Variants in SCAPER observed in about 807,000 individuals in gnomAD.
The protein encoded by SCAPER is S-phase cyclin A associated protein in the ER.
In SCAPER, 98 loss-of-function variants were observed where a neutral mutation model predicts 182.2. That is an observed-to-expected ratio of 0.54 (90% CI 0.46 to 0.64). SCAPER has a LOEUF of 0.64. Among genes scored for constraint, SCAPER ranks in the 30% least tolerant of loss-of-function variants. The pLI is 0.00. For synonymous variants in SCAPER, 605 were observed against 564.6 expected (o/e 1.07, Z -1.01); for missense variants, 1,432 against 1,690.0 (o/e 0.85, Z 2.68).
At chr15:76,785,364 A>G (rs904468607) in intron 8 of SCAPER, among the ~76,000 whole-genome samples, 1 of 152,232 alleles carries the variant, frequency 6.6e-6, no homozygotes, top group African/African-American at 2.4e-5. Context: ...CAATCATTAA[A>G]AAGTCAGGAA....
intron 29 of SCAPER, among the ~76,000 whole-genome samples, chr15:76,373,911 CTT>C (rs2042359934): frequency 6.9e-6 from 1 of 145,160 alleles, no homozygotes; most frequent in African/African-American, 2.6e-5. Flanking sequence ...TTTTTTTTGT[CTT>C]TTTTCTCCTT....
At chr15:76,744,410 G>C (rs936179273) in intron 15 of SCAPER, among the ~76,000 whole-genome samples, 6 of 151,908 alleles carry the variant, frequency 3.9e-5, no homozygotes, top group Non-Finnish European at 7.4e-5. Flanking sequence ...CTAATATCCA[G>C]GATATATAAG....
At chr15:76,888,400 C>A (rs1226605014) in intron 1 of SCAPER, among the ~76,000 whole-genome samples, 1 of 152,062 alleles carries the variant, frequency 6.6e-6, no homozygotes, top group Non-Finnish European at 1.5e-5. Flanking sequence ...ATGTTCTAAC[C>A]CATTGCAAGG....
At chr15:76,694,802 T>A (rs1317761530) in intron 20 of SCAPER, among the ~76,000 whole-genome samples, 1 of 152,142 alleles carries the variant, frequency 6.6e-6, no homozygotes, top group African/African-American at 2.4e-5. Context: ...ACAACAAATT[T>A]AACTATGTAC....
intron 15 of SCAPER, among the ~76,000 whole-genome samples, chr15:76,733,686 A>T (rs529591083): frequency 2.0e-5 from 3 of 152,194 alleles, no homozygotes; most frequent in East Asian, 3.9e-4. Context: ...CCCAGGAGCC[A>T]GAGGTTGCAG....
At chr15:76,873,499 A>G (rs1438344630) in intron 2 of SCAPER, among the ~76,000 whole-genome samples, 3 of 152,232 alleles carry the variant, frequency 2.0e-5, no homozygotes, top group African/African-American at 7.2e-5. Flanking sequence ...TAAAAAGTTT[A>G]TCAACCAGGA....
intron 23 of SCAPER, among the ~76,000 whole-genome samples, chr15:76,532,933 T>A (rs369508677): frequency 3.1e-4 from 47 of 152,356 alleles, no homozygotes; most frequent in African/African-American, 1.1e-3. Flanking sequence ...TTAACACTTA[T>A]TTAGCCCTAC....
At chr15:76,682,838 A>G (rs1021837355) in intron 20 of SCAPER, among the ~76,000 whole-genome samples, 3 of 152,152 alleles carry the variant, frequency 2.0e-5, no homozygotes, top group African/African-American at 7.2e-5. Context: ...GAAGTCAGCC[A>G]ACTGAGCCCA....
intron 29 of SCAPER, among the ~76,000 whole-genome samples, chr15:76,372,123 A>C (rs1747554374): frequency 6.6e-6 from 1 of 152,144 alleles, no homozygotes; most frequent in South Asian, 2.1e-4. Context: ...CTCAAATCAG[A>C]AGTGGATGTC....
chr15:76,668,110 G>A (rs2056759178), intron 20 of SCAPER, among the ~76,000 whole-genome samples: 1 of 152,092 alleles, frequency 6.6e-6, no homozygotes, highest in Non-Finnish European at 1.5e-5. Context: ...CTCTATTTGA[G>A]TAAACGGTAC....
At chr15:76,637,740 ATATGTGTGTGTGTGTG>A (rs1376644208) in intron 21 of SCAPER, among the ~76,000 whole-genome samples, 27 of 31,932 alleles carry the variant, frequency 8.5e-4, no homozygotes, top group East Asian at 4.8e-3. Flanking sequence ...ATATATATAT[ATATGTGTGTGTGTGTG>A]TGTGTGTGTG....
intron 25 of SCAPER, among the ~76,000 whole-genome samples, chr15:76,459,918 T>C (rs2049026223): frequency 1.3e-5 from 2 of 152,180 alleles, no homozygotes; most frequent in Admixed American, 6.5e-5. Flanking sequence ...CACCACTTAC[T>C]AAAGAGGGTG....
intron 24 of SCAPER, among the ~76,000 whole-genome samples, chr15:76,484,942 C>A (rs1420543137): frequency 1.3e-5 from 2 of 152,062 alleles, no homozygotes; most frequent in Non-Finnish European, 2.9e-5. Flanking sequence ...AACCCACAGC[C>A]ATCATACTGA....
intron 2 of SCAPER, among the ~76,000 whole-genome samples, chr15:76,871,842 C>T (rs529027125): frequency 6.6e-6 from 1 of 152,176 alleles, no homozygotes; most frequent in African/African-American, 2.4e-5. Flanking sequence ...CCACCCGCCT[C>T]AGCCTCCCAA....
intron 27 of SCAPER, among the ~76,000 whole-genome samples, chr15:76,397,629 C>T (rs1183708704): frequency 6.6e-6 from 1 of 151,996 alleles, no homozygotes; most frequent in Non-Finnish European, 1.5e-5. Context: ...TATAGGCATG[C>T]ACCACCACGC....
At chr15:76,364,602 G>A (rs748799761) in intron 29 of SCAPER, among the ~76,000 whole-genome samples, 2 of 152,260 alleles carry the variant, frequency 1.3e-5, no homozygotes, top group South Asian at 2.1e-4. Flanking sequence ...TGTGTGCTTG[G>A]TACCAGTAGC....
intron 7 of SCAPER, among the ~76,000 whole-genome samples, chr15:76,797,034 CA>C (rs1179921650): frequency 6.6e-6 from 1 of 150,926 alleles, no homozygotes; most frequent in African/African-American, 2.5e-5. Context: ...AGTATAAGTA[CA>C]AAAAAATAGA....
At chr15:76,631,917 T>C (rs945249153) in intron 21 of SCAPER, among the ~76,000 whole-genome samples, 1 of 152,228 alleles carries the variant, frequency 6.6e-6, no homozygotes, top group Admixed American at 6.5e-5. Context: ...CTCTTTCAGT[T>C]ACCCCTATCA....
intron 5 of SCAPER, among the ~76,000 whole-genome samples, chr15:76,817,650 T>C (rs536920369): frequency 2.0e-5 from 3 of 152,294 alleles, no homozygotes; most frequent in African/African-American, 7.2e-5. Flanking sequence ...TCACTACATA[T>C]ATGTATGTCA....
Sources: allele counts gnomAD v4.1 joint callset (sites outside exome capture counted in the v4.1 genomes callset), GRCh38; gene constraint gnomAD v4.1.1; transcripts MANE v1.5; gene names NCBI Gene and HGNC (gene_info 2026-07-23, HGNC 2026-07-21).